RAB38: variants seen among roughly 807,000 people sequenced by gnomAD.
RAB38 encodes the protein ras-related protein Rab-38.
A neutral mutation model predicts 18.4 loss-of-function variants in RAB38; 15 were observed. The observed-to-expected ratio is 0.82, with a 90% confidence interval of 0.55 to 1.26. The LOEUF (loss-of-function observed/expected upper bound fraction) is 1.26, where lower values mean the gene tolerates loss of function less well. RAB38 is among the 50% of genes most tolerant of loss of function. The pLI is 0.00. For missense variants in RAB38, 294 were observed against 267.4 expected (o/e 1.10, Z -0.69); for synonymous variants, 101 against 104.4 (o/e 0.97, Z 0.20).
chr11:88,031,550 T>G, the RAB38 span, among the ~76,000 whole-genome samples: 1 of 151,962 alleles, frequency 6.6e-6, no homozygotes, highest in African/African-American at 2.4e-5. Context: ...ACAAAATCAA[T>G]GTACAAAAAT....
the RAB38 span, among the ~76,000 whole-genome samples, chr11:88,065,370 C>T: frequency 2.6e-5 from 4 of 152,200 alleles, no homozygotes; most frequent in African/African-American, 9.6e-5. Context: ...AATATAGTCG[C>T]TTCCATTTGC....
At chr11:88,159,130 CA>C (rs1307879827) in intron 1 of RAB38, among the ~76,000 whole-genome samples, 2 of 151,412 alleles carry the variant, frequency 1.3e-5, no homozygotes, top group African/African-American at 4.8e-5. Context: ...AAATCAATAG[CA>C]TTTCTATCCA....
the RAB38 span, among the ~76,000 whole-genome samples, chr11:87,863,471 G>A: frequency 6.6e-6 from 1 of 151,882 alleles, no homozygotes; most frequent in African/African-American, 2.4e-5. Context: ...TAGTGGGCTG[G>A]AGAGGGAGGT....
At chr11:87,888,461 G>A in the RAB38 span, among the ~76,000 whole-genome samples, 10 of 151,900 alleles carry the variant, frequency 6.6e-5, no homozygotes, top group Admixed American at 1.3e-4. Context: ...CTCTTTATCT[G>A]TAAGATCTGG....
chr11:88,044,240 G>T, the RAB38 span, among the ~76,000 whole-genome samples: 1 of 152,150 alleles, frequency 6.6e-6, no homozygotes, highest in Non-Finnish European at 1.5e-5. Context: ...CACCTGCCTT[G>T]GTCCTTCACC....
At chr11:88,152,922 CT>C (rs1943080812) in intron 1 of RAB38, among the ~76,000 whole-genome samples, 1 of 152,234 alleles carries the variant, frequency 6.6e-6, no homozygotes, top group African/African-American at 2.4e-5. Flanking sequence ...CACTGGATTA[CT>C]GCACTGAAAA....
At chr11:87,901,889 T>C in the RAB38 span, among the ~76,000 whole-genome samples, 3 of 150,824 alleles carry the variant, frequency 2.0e-5, no homozygotes, top group Admixed American at 2.0e-4. Context: ...TCTAAAATTA[T>C]TTGCTACATT....
At chr11:87,866,834 A>T in the RAB38 span, among the ~76,000 whole-genome samples, 1 of 151,756 alleles carries the variant, frequency 6.6e-6, no homozygotes, top group African/African-American at 2.4e-5. Flanking sequence ...ATTCAACTGA[A>T]CATAGAGAGT....
chr11:87,952,520 T>C, the RAB38 span, among the ~76,000 whole-genome samples: 1 of 152,218 alleles, frequency 6.6e-6, no homozygotes, highest in Non-Finnish European at 1.5e-5. Context: ...GAATACCATA[T>C]TCCTTCACCC....
At chr11:87,977,384 T>C in the RAB38 span, among the ~76,000 whole-genome samples, 3 of 46,530 alleles carry the variant, frequency 6.4e-5, no homozygotes, top group East Asian at 4.6e-4. Context: ...TATTATAAAA[T>C]ATAATTATAT....
chr11:88,033,410 T>C, the RAB38 span, among the ~76,000 whole-genome samples: 1 of 151,970 alleles, frequency 6.6e-6, no homozygotes, highest in Non-Finnish European at 1.5e-5. Flanking sequence ...AAAGAAAGTA[T>C]TTGATTAACA....
At chr11:88,039,677 G>A in the RAB38 span, among the ~76,000 whole-genome samples, 17 of 152,322 alleles carry the variant, frequency 1.1e-4, no homozygotes, top group South Asian at 1.7e-3. Flanking sequence ...CCTGACTGGC[G>A]AGGTAGGCTC....
At chr11:88,008,190 G>A in the RAB38 span, among the ~76,000 whole-genome samples, 1 of 151,984 alleles carries the variant, frequency 6.6e-6, no homozygotes, top group Non-Finnish European at 1.5e-5. Context: ...TTATACATTT[G>A]ATATCTATAT....
At chr11:88,173,656 C>T (rs377167334) in intron 1 of RAB38, 41 of 985,384 alleles carry the variant, frequency 4.2e-5, no homozygotes, top group Non-Finnish European at 4.9e-5. Context: ...TGAGGACTTT[C>T]GAGCAGCCAG....
the RAB38 span, among the ~76,000 whole-genome samples, chr11:87,804,877 C>A: frequency 1.3e-5 from 2 of 152,156 alleles, no homozygotes; most frequent in Non-Finnish European, 2.9e-5. Context: ...AAAACTGTTA[C>A]AATTGTCATG....
At chr11:87,968,931 AAATT>A in the RAB38 span, among the ~76,000 whole-genome samples, 6 of 152,144 alleles carry the variant, frequency 3.9e-5, no homozygotes, top group Non-Finnish European at 7.4e-5. Flanking sequence ...GAGGAATGGG[AAATT>A]AATTAATGGG....
At chr11:88,015,098 A>G in the RAB38 span, among the ~76,000 whole-genome samples, 1 of 151,858 alleles carries the variant, frequency 6.6e-6, no homozygotes, top group Non-Finnish European at 1.5e-5. Context: ...TCTCTCTACA[A>G]TGTTGAGTCT....
At chr11:88,152,371 A>C (rs559274388) in intron 1 of RAB38, among the ~76,000 whole-genome samples, 1 of 152,330 alleles carries the variant, frequency 6.6e-6, no homozygotes, top group East Asian at 1.9e-4. Context: ...ACCATACAAA[A>C]AGCAATACAT....
chr11:87,851,963 TGAA>T, the RAB38 span, among the ~76,000 whole-genome samples: 16 of 152,236 alleles, frequency 1.1e-4, no homozygotes, highest in Middle Eastern at 6.8e-3. Flanking sequence ...CATAAGGAAA[TGAA>T]GACCTAAAGA....
Sources: allele counts gnomAD v4.1 joint callset (sites outside exome capture counted in the v4.1 genomes callset), GRCh38; gene constraint gnomAD v4.1.1; transcripts MANE v1.5; gene names NCBI Gene and HGNC (gene_info 2026-07-23, HGNC 2026-07-21).